Variants in ETV1 observed in about 807,000 individuals in gnomAD.
ETV1 encodes ETS variant transcription factor 1.
In ETV1, 27 loss-of-function variants were observed where a neutral mutation model predicts 62.3. That is an observed-to-expected ratio of 0.43 (90% CI 0.32 to 0.60). The LOEUF is 0.60. Ranked by LOEUF, ETV1 falls within the 20% of genes least tolerant of loss-of-function variation. The pLI is 0.06. For synonymous variants in ETV1, 222 were observed against 199.6 expected (o/e 1.11, Z -0.94); for missense variants, 605 against 605.8 (o/e 1.00, Z 0.01).
In ETV1 at chr7:13,894,330, T is replaced by A. The variant is rs1306668952; in HGVS notation, c.*1536A>T. On this transcript the variant is annotated 3_prime_UTR_variant, in exon 14 of 14. Coordinates refer to ENST00000430479, the MANE Select transcript of ETV1 (RefSeq NM_004956.5). ...TCAAGGTGAATGAAACAACATACCC[T>A]GCTTTCAATATTTTCTCCAAATGCA... 8.6e-6 allele frequency: 2 copies of A among 232,782 alleles called. No homozygotes were observed. The highest frequency in any genetic ancestry group is 1.1e-4 in the Admixed American group (2 of 17,768). The allele number at this position is 232,782 out of a possible 1,614,324, so 14.4% of individuals were successfully genotyped here. A position where few individuals can be genotyped will look rare whatever the true frequency, so the allele number is the denominator to read the frequency against.
chr7:13,907,764 G>C (rs1783122792), intron 11 of ETV1: 1 of 461,996 alleles, frequency 2.2e-6, no homozygotes, highest in Non-Finnish European at 4.5e-6. Context: ...TTATAAAATA[G>C]ACCAAATTGC....
intron 6 of ETV1, among the ~76,000 whole-genome samples, chr7:13,968,348 T>C (rs529893846): frequency 2.6e-5 from 4 of 152,076 alleles, no homozygotes; most frequent in African/African-American, 9.6e-5. Context: ...ACCAGTTTTG[T>C]AGAGTTTTGA....
chr7:13,906,833 C>A (rs1445183075), intron 11 of ETV1, among the ~76,000 whole-genome samples: 1 of 152,102 alleles, frequency 6.6e-6, no homozygotes, highest in African/African-American at 2.4e-5. Flanking sequence ...CAGAATAAAT[C>A]CTGTGTCAAT....
chr7:13,977,531 G>A, intron 5 of ETV1, 51 bp from the exon 6 acceptor site: 1 of 1,256,204 alleles, frequency 8.0e-7, no homozygotes, highest in Non-Finnish European at 1.1e-6. Context: ...ACTGCCAAAA[G>A]CATAAGGAAT....
intron 8 of ETV1, among the ~76,000 whole-genome samples, chr7:13,934,529 G>A (rs568849003): frequency 3.3e-5 from 5 of 152,292 alleles, no homozygotes; most frequent in Non-Finnish European, 5.9e-5. Flanking sequence ...GGGCCAGTTT[G>A]CACTGACTTA....
In ETV1 at chr7:13,953,730, C is replaced by A. The variant is rs1789093309; in HGVS notation, c.236-14484G>T. Among the ~76,000 whole-genome samples the A allele has an allele frequency of 3.3e-5, 5 of 151,758 alleles. No individual in the cohort carries two copies. The South Asian group carries it at 1.0e-3, about 32-fold the overall frequency. ...TTCCTTCTACCCTGCATCCCCCACA[C>A]CTCCACCAGGATGCCAGAACAAATT... On this transcript the variant is annotated intron_variant, in intron 6 of 13. Coordinates refer to ENST00000430479, the MANE Select transcript of ETV1 (RefSeq NM_004956.5).
chr7:13,962,318 G>T (rs1469094140), intron 6 of ETV1, among the ~76,000 whole-genome samples: 1 of 151,656 alleles, frequency 6.6e-6, no homozygotes, highest in East Asian at 1.9e-4. Flanking sequence ...CTTGTACAAG[G>T]TCACACAGCT....
intron 6 of ETV1, among the ~76,000 whole-genome samples, chr7:13,968,712 G>C (rs1014517233): frequency 3.3e-5 from 5 of 151,836 alleles, no homozygotes; most frequent in African/African-American, 1.2e-4. Flanking sequence ...GCATTCACCA[G>C]ATTTAGCTAG....
intron 3 of ETV1, 26 bp from the exon 4 acceptor site, chr7:13,988,199 T>C (rs1264568465): frequency 2.7e-6 from 4 of 1,486,476 alleles, no homozygotes; most frequent in African/African-American, 1.4e-5. Flanking sequence ...TAAAATCCTT[T>C]AAAAGAATGT....
chr7:13,917,837 AC>A, intron 9 of ETV1, among the ~76,000 whole-genome samples: 1 of 151,854 alleles, frequency 6.6e-6, no homozygotes, highest in African/African-American at 2.4e-5. Context: ...GGTGGCGGGC[AC>A]CAGTAGTCCC....
intron 12 of ETV1, among the ~76,000 whole-genome samples, chr7:13,904,835 G>C (rs770294495): frequency 6.6e-6 from 1 of 151,552 alleles, no homozygotes; most frequent in Non-Finnish European, 1.5e-5. Context: ...ATTTGTTAGT[G>C]CTTAACATTT....
At chr7:13,925,365 C>T (rs970925549) in intron 9 of ETV1, among the ~76,000 whole-genome samples, 1 of 152,166 alleles carries the variant, frequency 6.6e-6, no homozygotes, top group Non-Finnish European at 1.5e-5. Flanking sequence ...GGTAGCATTG[C>T]AAGCACTGTG....
At chr7:13,915,245 T>C (rs554761035) in intron 9 of ETV1, among the ~76,000 whole-genome samples, 3 of 152,090 alleles carry the variant, frequency 2.0e-5, no homozygotes, top group African/African-American at 7.2e-5. Context: ...TTGTCTATTG[T>C]ATATTGATGA....
At chr7:13,940,316 C>T (rs1787330837) in intron 6 of ETV1, among the ~76,000 whole-genome samples, 1 of 148,616 alleles carries the variant, frequency 6.7e-6, no homozygotes, top group Admixed American at 6.8e-5. Flanking sequence ...GAGCCGAGAT[C>T]ATGCCATTGC....
intron 6 of ETV1, among the ~76,000 whole-genome samples, chr7:13,945,985 A>T (rs1020643496): frequency 3.9e-5 from 6 of 152,198 alleles, no homozygotes; most frequent in African/African-American, 1.4e-4. Context: ...GGTACTTTTC[A>T]TTTCTCTTAC....
intron 5 of ETV1, among the ~76,000 whole-genome samples, chr7:13,978,019 G>C (rs994331143): frequency 6.6e-6 from 1 of 151,982 alleles, no homozygotes; most frequent in Non-Finnish European, 1.5e-5. Context: ...TGCTACAAAG[G>C]TTTTTAAATG....
chr7:13,978,506 G>A (rs1781670636), intron 5 of ETV1, among the ~76,000 whole-genome samples: 2 of 151,982 alleles, frequency 1.3e-5, no homozygotes, highest in South Asian at 4.2e-4. Flanking sequence ...CATTTGACTA[G>A]GTAGTATTAC....
intron 5 of ETV1, among the ~76,000 whole-genome samples, chr7:13,980,737 G>T (rs1180410508): frequency 6.6e-6 from 1 of 152,000 alleles, no homozygotes; most frequent in African/African-American, 2.4e-5. Context: ...GGCAGTATCT[G>T]CACTCTCAGC....
At chr7:13,975,576 A>AG (rs1290508213) in intron 6 of ETV1, among the ~76,000 whole-genome samples, 268 of 121,880 alleles carry the variant, frequency 2.2e-3, no homozygotes, top group African/African-American at 7.3e-3. Flanking sequence ...AAAAAAAAAA[A>AG]AAAGAAAAGA....
Sources: gnomAD v4.1 joint callset for allele counts (sites outside exome capture counted in the v4.1 genomes callset) on GRCh38, gnomAD v4.1.1 for gene constraint, MANE v1.5 for transcripts, NCBI Gene and HGNC (gene_info 2026-07-23, HGNC 2026-07-21) for gene names.